The following KDM3B variants were observed in gnomAD, a reference collection of about 807,000 sequenced individuals.
KDM3B encodes the protein lysine demethylase 3B, also known as lysine-specific demethylase 3B.
KDM3B carries 10 observed loss-of-function variants against 170.0 expected under a neutral mutation model. The ratio of observed to expected loss-of-function variants is 0.06; its 90% CI spans 0.04 to 0.10. The LOEUF (loss-of-function observed/expected upper bound fraction) is 0.10. Among genes scored for constraint, KDM3B ranks in the 10% least tolerant of loss-of-function variants. KDM3B has a pLI of 1.00. For synonymous variants in KDM3B, 831 were observed against 834.8 expected, an observed-to-expected ratio of 1.00 and a Z score of 0.08; for missense variants, 1,394 against 2,195.2, an observed-to-expected ratio of 0.64 and a Z score of 7.29.
At chr5:138,397,538 A>C (rs1762578350) in intron 9 of KDM3B, among the ~76,000 whole-genome samples, 1 of 151,702 alleles carries the variant, frequency 6.6e-6, no homozygotes, top group South Asian at 2.1e-4. Flanking sequence ...TGTTACAATG[A>C]AAGTGGCTCT....
In KDM3B at chr5:138,436,598, C is replaced by T. The variant is rs554478781; in HGVS notation, c.*898C>T. 1 of 152,304 alleles carries T rather than the reference C, an allele frequency of 6.6e-6. No individual in the cohort carries two copies. Among genetic ancestry groups the T allele is most frequent in the South Asian group, 2.1e-4 (1 of 4,822 alleles). The allele number at this position is 152,304 out of a possible 1,614,324, so 9.4% of individuals were successfully genotyped here. A position where few individuals can be genotyped will look rare whatever the true frequency, so the allele number is the denominator to read the frequency against. On this transcript the variant is annotated 3_prime_UTR_variant, in exon 24 of 24. Transcript: ENST00000314358. ...GAGAAGGAACTTTGTCACATCTAAG[C>T]TGTGGTGTGTTCCCCATGTGTGTGT...
At chr5:138,385,753 G>A (rs556101628) in intron 6 of KDM3B, among the ~76,000 whole-genome samples, 6 of 152,338 alleles carry the variant, frequency 3.9e-5, no homozygotes, top group South Asian at 2.1e-4. Flanking sequence ...AACCCTCAAA[G>A]AAGTCCATTT....
intron 9 of KDM3B, among the ~76,000 whole-genome samples, chr5:138,397,613 G>A (rs1011472518): frequency 1.3e-5 from 2 of 152,148 alleles, no homozygotes; most frequent in African/African-American, 2.4e-5. Context: ...CGAGGCAGGC[G>A]GATCTCTTGA....
chr5:138,412,860 C>CT (rs1375942910), intron 11 of KDM3B, among the ~76,000 whole-genome samples: 2 of 152,154 alleles, frequency 1.3e-5, no homozygotes, highest in African/African-American at 2.4e-5. Flanking sequence ...CCATCCTGGT[C>CT]TTTAACTTTT....
intron 23 of KDM3B, 95 bp downstream of exon 23, chr5:138,431,654 C>T (rs1763534426): frequency 2.6e-6 from 3 of 1,143,728 alleles, no homozygotes; most frequent in South Asian, 4.7e-5. Context: ...GGGTATTCTC[C>T]GAAGGTCTAA....
At chr5:138,363,236 T>C (rs1006786020) in intron 1 of KDM3B, among the ~76,000 whole-genome samples, 3 of 152,178 alleles carry the variant, frequency 2.0e-5, no homozygotes, top group African/African-American at 7.2e-5. Flanking sequence ...CTAAAAAAAG[T>C]AGAACATTTT....
chr5:138,366,182 C>A (rs1203347450), intron 1 of KDM3B, among the ~76,000 whole-genome samples: 3 of 152,084 alleles, frequency 2.0e-5, no homozygotes, highest in East Asian at 3.9e-4. Flanking sequence ...TTAGATAGAT[C>A]TCATTTTTAA....
intron 11 of KDM3B, among the ~76,000 whole-genome samples, chr5:138,405,376 A>G (rs1235642393): frequency 6.6e-6 from 1 of 152,172 alleles, no homozygotes; most frequent in Admixed American, 6.5e-5. Flanking sequence ...GCATGGTGAC[A>G]CATGCCTGTG....
intron 23 of KDM3B, among the ~76,000 whole-genome samples, chr5:138,433,223 T>G (rs962370396): frequency 1.3e-5 from 2 of 151,908 alleles, no homozygotes; most frequent in Non-Finnish European, 2.9e-5. Flanking sequence ...GCAATTCTCC[T>G]GCCTCAGCCT....
chr5:138,408,389 TAAA>T (rs769091269), intron 11 of KDM3B, among the ~76,000 whole-genome samples: 1 of 135,530 alleles, frequency 7.4e-6, no homozygotes. Flanking sequence ...CTACACTCCT[TAAA>T]AAAAAAAAAA....
Position 138,415,142 on chromosome 5 carries a change from G to A in KDM3B, c.3210G>A (p.Glu1070=). Residue 1070 remains glutamate, a synonymous_variant, in exon 12 of 24, where the codon GAG becomes GAA. Transcript: ENST00000314358. ...RKSRPRSETE[E]MGDEEVFSWL... ...TCATTTCTATTTCAGAGACAGAAGA[G>A]ATGGGTGATGAAGAAGTTTTCTCCT... 1 of 1,597,800 alleles carries A rather than the reference G, an allele frequency of 6.3e-7. No homozygotes were observed. The highest frequency in any genetic ancestry group is 8.6e-7 in the Non-Finnish European group (1 of 1,167,880).
intron 1 of KDM3B, among the ~76,000 whole-genome samples, chr5:138,365,534 G>A (rs886546120): frequency 6.6e-6 from 1 of 151,686 alleles, no homozygotes; most frequent in African/African-American, 2.4e-5. Flanking sequence ...CTGGGATTAC[G>A]GTCATGAGCC....
At chr5:138,366,420 TC>T (rs1761746751) in intron 1 of KDM3B, among the ~76,000 whole-genome samples, 1 of 152,090 alleles carries the variant, frequency 6.6e-6, no homozygotes, top group Non-Finnish European at 1.5e-5. Context: ...AGCCCTGACT[TC>T]CTGGGCTCAA....
At chr5:138,375,896 CG>C (rs1761986776) in intron 3 of KDM3B, among the ~76,000 whole-genome samples, 1 of 152,086 alleles carries the variant, frequency 6.6e-6, no homozygotes, top group African/African-American at 2.4e-5. Context: ...AGGCTAGTCT[CG>C]AACTCCTGAC....
intron 14 of KDM3B, among the ~76,000 whole-genome samples, chr5:138,420,172 G>A (rs1421192502): frequency 1.3e-5 from 2 of 152,216 alleles, no homozygotes; most frequent in African/African-American, 2.4e-5. Flanking sequence ...ATAGGCGTGA[G>A]CCACCATTCC....
chr5:138,385,482 T>C (rs1003450920), intron 6 of KDM3B, among the ~76,000 whole-genome samples: 5 of 152,168 alleles, frequency 3.3e-5, no homozygotes, highest in African/African-American at 9.7e-5. Flanking sequence ...CTGCCCGCCT[T>C]GGCCTCCCAA....
intron 13 of KDM3B, 122 bp from the exon 14 acceptor site, chr5:138,418,831 A>G: frequency 1.1e-6 from 1 of 924,292 alleles, no homozygotes; most frequent in South Asian, 1.6e-5. Context: ...ATAATGTATG[A>G]AATGCCAGTT....
intron 7 of KDM3B, among the ~76,000 whole-genome samples, chr5:138,387,546 A>C (rs1762300663): frequency 6.6e-6 from 1 of 152,222 alleles, no homozygotes; most frequent in African/African-American, 2.4e-5. Flanking sequence ...AAACAATGCC[A>C]GACAAAACAT....
At chr5:138,382,382 G>A (rs757657447) in intron 6 of KDM3B, among the ~76,000 whole-genome samples, 14 of 152,234 alleles carry the variant, frequency 9.2e-5, no homozygotes, top group African/African-American at 2.2e-4. Context: ...AACCTGGGAC[G>A]TGGAGGTTGC....
Sources: allele counts gnomAD v4.1 joint callset (sites outside exome capture counted in the v4.1 genomes callset), GRCh38; gene constraint gnomAD v4.1.1; transcripts MANE v1.5; gene names NCBI Gene and HGNC (gene_info 2026-07-23, HGNC 2026-07-21).